The following SAMD12 variants were observed in gnomAD, a reference collection of about 807,000 sequenced individuals.
SAMD12 encodes the protein sterile alpha motif domain containing 12, also known as sterile alpha motif domain-containing protein 12.
Under a neutral mutation model 15.0 loss-of-function variants are expected in SAMD12, and 9 were observed. The ratio of observed to expected loss-of-function variants is 0.60; its 90% CI spans 0.36 to 1.05. SAMD12 has a LOEUF of 1.05. SAMD12 is among the 50% of genes least tolerant of loss of function. The pLI, the probability that SAMD12 is intolerant of heterozygous loss-of-function variation, is 0.01. For synonymous variants in SAMD12, 86 were observed against 90.1 expected (o/e 0.96, Z 0.25); for missense variants, 230 against 234.2 (o/e 0.98, Z 0.12).
chr8:118,339,410 T>C (rs1042207830), intron 4 of SAMD12, among the ~76,000 whole-genome samples: 1 of 151,938 alleles, frequency 6.6e-6, no homozygotes, highest in Non-Finnish European at 1.5e-5. Context: ...AAACCTACTA[T>C]AGAAAGAAAA....
intron 4 of SAMD12, among the ~76,000 whole-genome samples, chr8:118,360,752 G>A (rs1291748027): frequency 1.3e-5 from 2 of 152,184 alleles, no homozygotes; most frequent in African/African-American, 4.8e-5. Flanking sequence ...GTGCTAGGGA[G>A]GCATCAGTGC....
At chr8:118,287,330 T>C (rs796247143) in intron 4 of SAMD12, among the ~76,000 whole-genome samples, 28 of 151,932 alleles carry the variant, frequency 1.8e-4, no homozygotes, top group African/African-American at 6.8e-4. Flanking sequence ...TTTCACCGTG[T>C]TAGCCAGGAT....
intron 2 of SAMD12, among the ~76,000 whole-genome samples, chr8:118,570,355 C>G (rs78883675): frequency 0.05 from 7,655 of 152,162 alleles, 346 homozygotes; most frequent in East Asian, 0.25. Flanking sequence ...TCCTCTACCC[C>G]CTCCCATCCT....
chr8:118,255,018 C>T lies in SAMD12; in HGVS notation c.434-57286G>A, dbSNP rs907990626. Among the ~76,000 whole-genome samples the T allele has an allele frequency of 6.6e-5, 10 of 152,070 alleles. No individual in the cohort carries two copies. The East Asian group carries it at 1.4e-3, about 21-fold the overall frequency. On this transcript the variant is annotated intron_variant, in intron 4 of 4. Transcript: ENST00000409003. ...ATGATGTGGCTTGATTCTCTTAAGT[C>T]GATGCCTTGGAATCCTGACACCTGC...
At chr8:118,561,553 CCTT>C (rs1485600078) in intron 2 of SAMD12, among the ~76,000 whole-genome samples, 1 of 152,150 alleles carries the variant, frequency 6.6e-6, no homozygotes, top group African/African-American at 2.4e-5. Flanking sequence ...GAAAACATGT[CCTT>C]CTTCACATGG....
intron 1 of SAMD12, among the ~76,000 whole-genome samples, chr8:118,596,083 A>G (rs1442901842): frequency 6.6e-6 from 1 of 152,220 alleles, no homozygotes; most frequent in African/African-American, 2.4e-5. Flanking sequence ...GAGCATACCC[A>G]GGATTGTTGT....
Position 118,378,405 on chromosome 8 carries a change from G to C in SAMD12, c.*1012C>G, listed in dbSNP as rs1046944258. 9 of 972,142 alleles carry C rather than the reference G, an allele frequency of 9.3e-6. No individual in the cohort carries two copies. The highest frequency in any genetic ancestry group is 1.1e-5 in the Non-Finnish European group (9 of 817,968). 60.2% of individuals were successfully genotyped at this position (972,142 alleles called of 1,614,324 possible). Reference sequence around the variant, plus strand: ...CAAATTTAAATCACTTAGTATACCAGTAAATTCACCATTGGAAATCTCTGA... The same window carrying C: ...CAAATTTAAATCACTTAGTATACCACTAAATTCACCATTGGAAATCTCTGA... On this transcript the variant is annotated 3_prime_UTR_variant, in exon 4 of 4. Coordinates refer to ENST00000314727, the MANE Select transcript of SAMD12 (RefSeq NM_207506.3).
intron 4 of SAMD12, among the ~76,000 whole-genome samples, chr8:118,259,304 A>G (rs1000895318): frequency 2.6e-5 from 4 of 152,124 alleles, no homozygotes; most frequent in African/African-American, 9.7e-5. Context: ...TTGAAAAAGA[A>G]TGCTTAATGC....
intron 2 of SAMD12, among the ~76,000 whole-genome samples, chr8:118,555,831 C>T (rs956281216): frequency 7.2e-5 from 11 of 152,266 alleles, no homozygotes; most frequent in African/African-American, 2.6e-4. Flanking sequence ...TCAACCACAA[C>T]CAATGAAGCC....
At chr8:118,180,433 C>A in the SAMD12 span, among the ~76,000 whole-genome samples, 4 of 152,152 alleles carry the variant, frequency 2.6e-5, no homozygotes, top group Non-Finnish European at 5.9e-5. Context: ...TTCCTGCCCC[C>A]AACCCGCTGA....
At chr8:118,539,169 G>A (rs1301983141) in intron 2 of SAMD12, among the ~76,000 whole-genome samples, 1 of 152,208 alleles carries the variant, frequency 6.6e-6, no homozygotes, top group African/African-American at 2.4e-5. Context: ...TGGCATTGCT[G>A]ATCATATATA....
chr8:118,151,277 A>G, the SAMD12 span, among the ~76,000 whole-genome samples: 1 of 151,964 alleles, frequency 6.6e-6, no homozygotes, highest in African/African-American at 2.4e-5. Context: ...TGTTTCTTGT[A>G]CGTGAGTTTT....
chr8:118,601,163 T>A (rs1213206489), intron 1 of SAMD12, among the ~76,000 whole-genome samples: 1 of 152,234 alleles, frequency 6.6e-6, no homozygotes, highest in African/African-American at 2.4e-5. Context: ...GATTTTTTTT[T>A]ATTTTCCAAT....
chr8:118,473,155 C>G (rs558672859), intron 2 of SAMD12, among the ~76,000 whole-genome samples: 7 of 152,260 alleles, frequency 4.6e-5, no homozygotes, highest in Admixed American at 4.6e-4. Flanking sequence ...GCTCCTCCCT[C>G]CAGCTTCTGT....
intron 4 of SAMD12, among the ~76,000 whole-genome samples, chr8:118,281,792 C>G (rs1813658293): frequency 6.6e-6 from 1 of 152,168 alleles, no homozygotes; most frequent in Admixed American, 6.5e-5. Context: ...GTTAAAAGCC[C>G]TTCTCCAATT....
chr8:118,438,412 TA>T (rs201726220), intron 3 of SAMD12, among the ~76,000 whole-genome samples: 3 of 74,750 alleles, frequency 4.0e-5, no homozygotes, highest in East Asian at 5.2e-4. Context: ...CTTAAATGTT[TA>T]AAAAAAATTT....
chr8:118,210,668 A>G (rs1196870387), intron 4 of SAMD12, among the ~76,000 whole-genome samples: 1 of 152,162 alleles, frequency 6.6e-6, no homozygotes, highest in Non-Finnish European at 1.5e-5. Context: ...TTCCATCCTT[A>G]TCCACAATGC....
At chr8:118,555,289 G>A (rs772245601) in intron 2 of SAMD12, among the ~76,000 whole-genome samples, 3 of 152,044 alleles carry the variant, frequency 2.0e-5, no homozygotes, top group Non-Finnish European at 2.9e-5. Context: ...CCCGTTCTTT[G>A]TTTTCTTTAA....
chr8:118,177,239 A>T, the SAMD12 span, among the ~76,000 whole-genome samples: 1 of 137,074 alleles, frequency 7.3e-6, no homozygotes, highest in East Asian at 2.1e-4. Flanking sequence ...GCCACAGAGA[A>T]TTTTTTTTTT....
Sources: gnomAD v4.1 joint callset for allele counts (sites outside exome capture counted in the v4.1 genomes callset) on GRCh38, gnomAD v4.1.1 for gene constraint, MANE v1.5 for transcripts, NCBI Gene and HGNC (gene_info 2026-07-23, HGNC 2026-07-21) for gene names.